OR2C1: variants seen among roughly 807,000 people sequenced by gnomAD.
The protein encoded by OR2C1 is olfactory receptor 2C1.
For synonymous variants in OR2C1, 209 were observed against 167.3 expected (o/e 1.25, Z -1.92); for missense variants, 468 against 388.3 (o/e 1.21, Z -1.73).
chr16:3,353,467 G>C (rs1460433122), upstream of OR2C1, among the ~76,000 whole-genome samples: 3 of 139,228 alleles, frequency 2.2e-5, no homozygotes, highest in Non-Finnish European at 3.1e-5. Context: ...CTCCAGCCTG[G>C]TGACAGAGCG....
chr16:3,330,820 C>A, the OR2C1 span, among the ~76,000 whole-genome samples: 1 of 152,134 alleles, frequency 6.6e-6, no homozygotes, highest in East Asian at 1.9e-4. Flanking sequence ...CAGCTCACTG[C>A]CATTTCAAAT....
the OR2C1 span, among the ~76,000 whole-genome samples, chr16:3,330,820 C>T: frequency 6.6e-6 from 1 of 152,134 alleles, no homozygotes; most frequent in African/African-American, 2.4e-5. Flanking sequence ...CAGCTCACTG[C>T]CATTTCAAAT....
chr16:3,324,613 ATGTT>A, the OR2C1 span, among the ~76,000 whole-genome samples: 1 of 152,116 alleles, frequency 6.6e-6, no homozygotes, highest in Admixed American at 6.5e-5. Context: ...CTCTCTACGT[ATGTT>A]TGTTTTATAA....
upstream of OR2C1, among the ~76,000 whole-genome samples, chr16:3,353,529 G>A (rs181137296): frequency 6.6e-6 from 1 of 150,606 alleles, no homozygotes; most frequent in East Asian, 1.9e-4. Context: ...GGCCGGGAAT[G>A]GTAGCTCATG....
At chr16:3,331,058 G>A in the OR2C1 span, among the ~76,000 whole-genome samples, 1 of 152,138 alleles carries the variant, frequency 6.6e-6, no homozygotes, top group African/African-American at 2.4e-5. Flanking sequence ...GTTGTTTCCT[G>A]ACTTTTTAAT....
the OR2C1 span, among the ~76,000 whole-genome samples, chr16:3,347,858 ACGCG>A: frequency 6.0e-5 from 9 of 150,466 alleles, no homozygotes; most frequent in South Asian, 8.4e-4. Context: ...ACACGCACAC[ACGCG>A]CACACACACA....
chr16:3,323,257 A>G, the OR2C1 span: 2 of 794,390 alleles, frequency 2.5e-6, no homozygotes, highest in Admixed American at 3.4e-5. Flanking sequence ...TCCTTGAGGA[A>G]GCCCACTGTA....
the OR2C1 span, among the ~76,000 whole-genome samples, chr16:3,338,832 G>A: frequency 1.3e-5 from 2 of 152,158 alleles, no homozygotes; most frequent in South Asian, 2.1e-4. Flanking sequence ...CACCGCGCCC[G>A]GCCTAGGCAA....
At chr16:3,336,680 T>C in the OR2C1 span, among the ~76,000 whole-genome samples, 5 of 139,914 alleles carry the variant, frequency 3.6e-5, no homozygotes, top group East Asian at 4.2e-4. Flanking sequence ...TTTTCTTTTT[T>C]TTTTTTTCTA....
At chr16:3,328,987 AAATTAATTAATT>A in the OR2C1 span, among the ~76,000 whole-genome samples, 56 of 149,098 alleles carry the variant, frequency 3.8e-4, no homozygotes, top group Non-Finnish European at 5.9e-4. Context: ...TGGACTAGGA[AAATTAATTAATT>A]AATTAATTAA....
At chr16:3,350,812 A>T in the OR2C1 span, among the ~76,000 whole-genome samples, 1 of 151,726 alleles carries the variant, frequency 6.6e-6, no homozygotes, top group Non-Finnish European at 1.5e-5. Flanking sequence ...ATACAAACAA[A>T]CAAAAGCCCT....
the OR2C1 span, among the ~76,000 whole-genome samples, chr16:3,326,597 T>C: frequency 6.7e-6 from 1 of 149,410 alleles, no homozygotes; most frequent in African/African-American, 2.6e-5. Context: ...CTGATTCCAT[T>C]TGGAGATCTG....
chr16:3,343,383 C>G, the OR2C1 span, among the ~76,000 whole-genome samples: 1 of 152,152 alleles, frequency 6.6e-6, no homozygotes, highest in Non-Finnish European at 1.5e-5. Context: ...CATGAGCCAC[C>G]GTGTCTAGCC....
chr16:3,355,965 T>A lies in OR2C1; in HGVS notation c.25T>A (p.Leu9Met). Reference sequence around the variant, plus strand: ...GATGGACGGGGTGAATGATAGCTCCTTGCAGGGCTTTGTTCTGATGGGCAT... The same window carrying A: ...GATGGACGGGGTGAATGATAGCTCCATGCAGGGCTTTGTTCTGATGGGCAT... MDGVNDSS[L>M]QGFVLMGISD... Residue 9 changes from leucine (L) to methionine (M), a missense_variant, in exon 1 of 1, where the codon TTG (leucine) becomes ATG (methionine). Transcript: ENST00000304936. 2 of 1,612,514 alleles carry A rather than the reference T, an allele frequency of 1.2e-6. No homozygotes were observed. Among genetic ancestry groups the A allele is most frequent in the Non-Finnish European group, 1.7e-6 (2 of 1,179,000 alleles).
the OR2C1 span, chr16:3,323,686 T>A: frequency 1.5e-6 from 1 of 685,668 alleles, no homozygotes; most frequent in Non-Finnish European, 2.6e-6. Flanking sequence ...TATCTGGCAA[T>A]TCCAAGGCAC....
At chr16:3,334,686 G>T in the OR2C1 span, among the ~76,000 whole-genome samples, 1 of 151,720 alleles carries the variant, frequency 6.6e-6, no homozygotes, top group Non-Finnish European at 1.5e-5. Flanking sequence ...GGTTATAAAT[G>T]CATGGATTTA....
At position 3,356,195 on chromosome 16, in the gene OR2C1, A is replaced by C; in HGVS notation, c.255A>C (p.Leu85Phe). ...CAGTCCCCCAAATGCTGATCAATTT[A>C]TGGGGACCAGGCAAGACCATCAGCT... ...TSSVPQMLIN[L>F]WGPGKTISYG... The change falls in exon 1 of 1, where the codon TTA becomes TTC. Residue 85 changes from leucine (L) to phenylalanine (F), a missense_variant. Coordinates refer to ENST00000304936, the MANE Select transcript of OR2C1 (RefSeq NM_012368.3). The C allele has an allele frequency of 1.2e-6, 2 of 1,614,174 alleles. No homozygotes were observed. The highest frequency in any genetic ancestry group is 1.1e-5 in the South Asian group (1 of 91,080).
the OR2C1 span, chr16:3,323,028 C>A: frequency 2.0e-5 from 13 of 638,910 alleles, no homozygotes; most frequent in South Asian, 2.1e-4. Context: ...TTGCCATGAA[C>A]CTAAGCTACT....
chr16:3,325,475 A>ATG, the OR2C1 span, among the ~76,000 whole-genome samples: 2 of 31,288 alleles, frequency 6.4e-5, no homozygotes. Flanking sequence ...ATATATATAT[A>ATG]TATATATATA....
Sources: gnomAD v4.1 joint callset for allele counts (sites outside exome capture counted in the v4.1 genomes callset) on GRCh38, gnomAD v4.1.1 for gene constraint, MANE v1.5 for transcripts, NCBI Gene and HGNC (gene_info 2026-07-23, HGNC 2026-07-21) for gene names.